The following ADARB2 variants were observed in gnomAD, a reference collection of about 807,000 sequenced individuals.
The protein encoded by ADARB2 is adenosine deaminase RNA specific B2 (inactive).
A neutral mutation model predicts 62.2 loss-of-function variants in ADARB2; 25 were observed. That is an observed-to-expected ratio of 0.40 (90% CI 0.29 to 0.56). The LOEUF (loss-of-function observed/expected upper bound fraction) is 0.56, where lower values mean the gene tolerates loss of function less well. Ranked by LOEUF, ADARB2 falls within the 20% of genes least tolerant of loss-of-function variation. The probability of loss-of-function intolerance (pLI) is 0.43; values close to 1 mark genes in which losing one functional copy is unlikely to be tolerated. For synonymous variants in ADARB2, 572 were observed against 500.8 expected (o/e 1.14, Z -1.90); for missense variants, 1,071 against 1,077.4 (o/e 0.99, Z 0.08).
chr10:1,629,464 G>T (rs537088083), intron 1 of ADARB2, among the ~76,000 whole-genome samples: 1 of 151,218 alleles, frequency 6.6e-6, no homozygotes, highest in African/African-American at 2.4e-5. Context: ...CAAGCACCCC[G>T]CCAGCGCCCA....
chr10:1,606,257 A>C (rs1833492149), intron 1 of ADARB2, among the ~76,000 whole-genome samples: 1 of 152,118 alleles, frequency 6.6e-6, no homozygotes, highest in Admixed American at 6.5e-5. Flanking sequence ...AGTTCTCCTC[A>C]CATGGGGCTT....
intron 1 of ADARB2, among the ~76,000 whole-genome samples, chr10:1,670,231 T>G (rs1484064971): frequency 1.3e-5 from 2 of 152,254 alleles, no homozygotes; most frequent in African/African-American, 2.4e-5. Flanking sequence ...CATACTAGTT[T>G]GTGTCATAGT....
At chr10:1,695,739 T>C (rs572655228) in intron 1 of ADARB2, among the ~76,000 whole-genome samples, 9 of 152,312 alleles carry the variant, frequency 5.9e-5, no homozygotes, top group African/African-American at 1.7e-4. Flanking sequence ...CATGCATGTG[T>C]ATGTATACAT....
intron 3 of ADARB2, among the ~76,000 whole-genome samples, chr10:1,311,363 C>T (rs2131822908): frequency 6.6e-6 from 1 of 152,240 alleles, no homozygotes; most frequent in East Asian, 1.9e-4. Context: ...TTTCCAGGAG[C>T]AGGGAATGGC....
intron 3 of ADARB2, among the ~76,000 whole-genome samples, chr10:1,277,452 A>G (rs1831328335): frequency 6.6e-6 from 1 of 152,218 alleles, no homozygotes; most frequent in African/African-American, 2.4e-5. Flanking sequence ...AATACAAACT[A>G]CCATTAGAGA....
chr10:1,259,980 G>T (rs1831118325), intron 4 of ADARB2, among the ~76,000 whole-genome samples: 1 of 152,196 alleles, frequency 6.6e-6, no homozygotes, highest in Non-Finnish European at 1.5e-5. Flanking sequence ...TCCCTGGGAT[G>T]CAAGGCTGGT....
At chr10:1,705,299 C>T (rs544278961) in intron 1 of ADARB2, among the ~76,000 whole-genome samples, 162 of 152,172 alleles carry the variant, frequency 1.1e-3, no homozygotes, top group African/African-American at 3.6e-3. Context: ...CACTCTATGC[C>T]GGTTTTGTGG....
intron 3 of ADARB2, among the ~76,000 whole-genome samples, chr10:1,298,720 A>ATTTTTTTTTT (rs75978268): frequency 1.8e-5 from 2 of 110,780 alleles, no homozygotes; most frequent in African/African-American, 8.5e-5. Flanking sequence ...TGCGACGGGA[A>ATTTTTTTTTT]TTTTTTTTTT....
intron 4 of ADARB2, among the ~76,000 whole-genome samples, chr10:1,262,718 T>C (rs1392113600): frequency 6.6e-6 from 1 of 152,192 alleles, no homozygotes. Flanking sequence ...TGGAAGTCAG[T>C]GTGGCGATTC....
chr10:1,286,802 T>C (rs893327736), intron 3 of ADARB2, among the ~76,000 whole-genome samples: 3 of 152,142 alleles, frequency 2.0e-5, no homozygotes, highest in Admixed American at 2.0e-4. Flanking sequence ...AGTGCTGGTG[T>C]CATAGGGGTG....
chr10:1,403,884 G>C (rs1358737723), intron 1 of ADARB2, among the ~76,000 whole-genome samples: 5 of 152,140 alleles, frequency 3.3e-5, no homozygotes, highest in Non-Finnish European at 7.4e-5. Context: ...CTGCCTCCCC[G>C]ATTGGAGGCA....
intron 1 of ADARB2, among the ~76,000 whole-genome samples, chr10:1,440,868 G>T (rs887947273): frequency 3.3e-5 from 5 of 152,160 alleles, no homozygotes; most frequent in Non-Finnish European, 5.9e-5. Flanking sequence ...AGCCATTTTT[G>T]TGCCTTAGCC....
intron 1 of ADARB2, among the ~76,000 whole-genome samples, chr10:1,401,824 TC>T (rs1366571811): frequency 2.6e-5 from 4 of 152,158 alleles, no homozygotes; most frequent in Non-Finnish European, 5.9e-5. Context: ...GGGGAGCGGT[TC>T]CCAAAGTGTG....
At chr10:1,658,346 T>C (rs1834199495) in intron 1 of ADARB2, among the ~76,000 whole-genome samples, 1 of 151,506 alleles carries the variant, frequency 6.6e-6, no homozygotes, top group South Asian at 2.1e-4. Flanking sequence ...TCTATCTGAT[T>C]CTCTGATTCT....
chr10:1,599,345 A>G (rs1199383027), intron 1 of ADARB2, among the ~76,000 whole-genome samples: 1 of 152,248 alleles, frequency 6.6e-6, no homozygotes, highest in Non-Finnish European at 1.5e-5. Context: ...AATTCATACA[A>G]GAACTGTACA....
chr10:1,232,137 TCACATACAC>T (rs886342833), intron 6 of ADARB2, among the ~76,000 whole-genome samples: 1 of 151,936 alleles, frequency 6.6e-6, no homozygotes. Context: ...CATACACATA[TCACATACAC>T]CACACACACC....
intron 3 of ADARB2, among the ~76,000 whole-genome samples, chr10:1,275,398 A>G (rs1831305606): frequency 6.6e-6 from 1 of 152,214 alleles, no homozygotes; most frequent in African/African-American, 2.4e-5. Flanking sequence ...GTGCACATTC[A>G]GTCCTGCAGG....
chr10:1,405,709 G>A (rs1374888623), intron 1 of ADARB2, among the ~76,000 whole-genome samples: 1 of 148,880 alleles, frequency 6.7e-6, no homozygotes. Flanking sequence ...TACAATGTAT[G>A]TTGAAGCCTC....
rs193255287 is a variant in ADARB2, at chr10:1,273,775, C to T, written c.1078-2706G>A. Among the ~76,000 whole-genome samples the T allele has an allele frequency of 4.9e-3, 745 of 152,336 alleles. 10 individuals are homozygous for T. The highest frequency in any genetic ancestry group is 0.017 in the African/African-American group (689 of 41,576). ...GGTGAAGGTGACATAAGCAGCCCCA[C>T]CACAGGCTCCTGCAGGGCGTGTGCT... On this transcript the variant is annotated intron_variant, in intron 3 of 9. Transcript: ENST00000381312.
Sources: allele counts gnomAD v4.1 joint callset (sites outside exome capture counted in the v4.1 genomes callset), GRCh38; gene constraint gnomAD v4.1.1; transcripts MANE v1.5; gene names NCBI Gene and HGNC (gene_info 2026-07-23, HGNC 2026-07-21).